The following THSD7B variants were observed in gnomAD, a reference collection of about 807,000 sequenced individuals.
THSD7B encodes the protein thrombospondin type 1 domain containing 7B.
A neutral mutation model predicts 213.6 loss-of-function variants in THSD7B; 138 were observed. The observed-to-expected ratio is 0.65, with a 90% confidence interval of 0.56 to 0.74. THSD7B has a LOEUF of 0.74. Ranked by LOEUF, THSD7B falls within the 30% of genes least tolerant of loss-of-function variation. The pLI is 0.00. For synonymous variants in THSD7B, 742 were observed against 687.0 expected, an observed-to-expected ratio of 1.08 and a Z score of -1.25; for missense variants, 1,931 against 1,991.5, an observed-to-expected ratio of 0.97 and a Z score of 0.58.
intron 5 of THSD7B, among the ~76,000 whole-genome samples, chr2:137,136,146 TG>T (rs1172101517): frequency 6.6e-6 from 1 of 151,914 alleles, no homozygotes; most frequent in African/African-American, 2.4e-5. Flanking sequence ...CAGGGCCTGC[TG>T]GGGGGTGAGG....
intron 2 of THSD7B, among the ~76,000 whole-genome samples, chr2:136,925,977 G>C (rs1681037337): frequency 6.6e-6 from 1 of 152,114 alleles, no homozygotes; most frequent in African/African-American, 2.4e-5. Flanking sequence ...GTACACAACT[G>C]TATAATAATA....
At chr2:137,515,138 T>C (rs1490424443) in intron 15 of THSD7B, among the ~76,000 whole-genome samples, 1 of 152,124 alleles carries the variant, frequency 6.6e-6, no homozygotes, top group Non-Finnish European at 1.5e-5. Context: ...GTGAGGACAT[T>C]GACTGGAAAA....
intron 5 of THSD7B, among the ~76,000 whole-genome samples, chr2:137,159,434 A>AAATT (rs141042669): frequency 2.0e-5 from 3 of 151,608 alleles, no homozygotes; most frequent in African/African-American, 4.8e-5. Flanking sequence ...TCTCAAAAAA[A>AAATT]AATTAATTAA....
chr2:137,073,077 T>C (rs1687532793), intron 3 of THSD7B, among the ~76,000 whole-genome samples: 1 of 151,972 alleles, frequency 6.6e-6, no homozygotes, highest in African/African-American at 2.4e-5. Flanking sequence ...TTTTTTGTTG[T>C]GTCTCTGCCA....
intron 1 of THSD7B, among the ~76,000 whole-genome samples, chr2:136,803,172 C>T (rs1014721031): frequency 2.0e-5 from 3 of 151,964 alleles, no homozygotes; most frequent in African/African-American, 7.3e-5. Context: ...CACACATGCA[C>T]ATATATATAA....
intron 5 of THSD7B, among the ~76,000 whole-genome samples, chr2:137,128,530 C>T (rs947254090): frequency 5.9e-5 from 9 of 152,218 alleles, no homozygotes; most frequent in African/African-American, 1.7e-4. Flanking sequence ...ATATAACAGA[C>T]GATTCTTACC....
At chr2:137,165,151 T>G (rs1299967680) in intron 6 of THSD7B, among the ~76,000 whole-genome samples, 1 of 152,156 alleles carries the variant, frequency 6.6e-6, no homozygotes, top group Non-Finnish European at 1.5e-5. Flanking sequence ...TTGAGATTGA[T>G]GAGAATTAGC....
chr2:137,381,222 TG>T, intron 12 of THSD7B, among the ~76,000 whole-genome samples: 1 of 152,150 alleles, frequency 6.6e-6, no homozygotes, highest in East Asian at 1.9e-4. Context: ...GGTAGAAACC[TG>T]GGTGGCAGTA....
intron 15 of THSD7B, among the ~76,000 whole-genome samples, chr2:137,474,302 A>G (rs1688153174): frequency 6.6e-6 from 1 of 152,112 alleles, no homozygotes; most frequent in Non-Finnish European, 1.5e-5. Flanking sequence ...ACTCATTCCT[A>G]TTCACATTTA....
At chr2:137,565,139 C>T (rs1681208509) in intron 16 of THSD7B, among the ~76,000 whole-genome samples, 1 of 152,100 alleles carries the variant, frequency 6.6e-6, no homozygotes, top group Admixed American at 6.6e-5. Flanking sequence ...ATCCAGATTA[C>T]ACCTTGATCT....
At chr2:137,636,134 C>T (rs371911562) in intron 20 of THSD7B, among the ~76,000 whole-genome samples, 5 of 152,324 alleles carry the variant, frequency 3.3e-5, no homozygotes, top group East Asian at 3.9e-4. Context: ...CCAAGCCCCT[C>T]ATAACATCAA....
chr2:136,879,657 G>A (rs1168207185), intron 1 of THSD7B, among the ~76,000 whole-genome samples: 2 of 152,042 alleles, frequency 1.3e-5, no homozygotes, highest in Non-Finnish European at 2.9e-5. Flanking sequence ...GGATTCCTAG[G>A]TATTTTATTC....
intron 12 of THSD7B, among the ~76,000 whole-genome samples, chr2:137,340,739 T>G (rs1684743906): frequency 6.6e-6 from 1 of 151,850 alleles, no homozygotes; most frequent in Non-Finnish European, 1.5e-5. Context: ...TCCATTCATA[T>G]GATTGCAAAT....
chr2:137,341,265 A>G (rs543033028), intron 12 of THSD7B, among the ~76,000 whole-genome samples: 1 of 151,486 alleles, frequency 6.6e-6, no homozygotes, highest in South Asian at 2.1e-4. Flanking sequence ...ATGTCTATTC[A>G]TATCCCTTGC....
At chr2:137,322,103 C>A (rs1037660910) in intron 12 of THSD7B, among the ~76,000 whole-genome samples, 5 of 152,220 alleles carry the variant, frequency 3.3e-5, no homozygotes, top group Admixed American at 3.3e-4. Flanking sequence ...GTTAATACCA[C>A]TGTGGGAATA....
At position 137,657,048 on chromosome 2, in the gene THSD7B, A is replaced by C. The variant is rs373715492; in HGVS notation, c.4280-17A>C. 1 of 1,613,840 alleles carries C rather than the reference A, an allele frequency of 6.2e-7. No homozygotes were observed. Among genetic ancestry groups the C allele is most frequent in the East Asian group, 2.2e-5 (1 of 44,884 alleles). On this transcript the variant is annotated splice_polypyrimidine_tract_variant and intron_variant, in intron 23 of 27. Coordinates refer to ENST00000409968, the MANE Select transcript of THSD7B (RefSeq NM_001316349.2). ...AGTGAGGTGTAATAGAACTGCTATT[A>C]TCATATTTACTTACAGGAGGCAAAT...
chr2:137,413,410 A>AT (rs2105015574), intron 14 of THSD7B, among the ~76,000 whole-genome samples: 1 of 152,292 alleles, frequency 6.6e-6, no homozygotes, highest in South Asian at 2.1e-4. Context: ...TACTGTCCAG[A>AT]GGGGGATAGA....
intron 15 of THSD7B, among the ~76,000 whole-genome samples, chr2:137,556,183 T>C (rs1680961343): frequency 6.6e-6 from 1 of 152,002 alleles, no homozygotes; most frequent in Non-Finnish European, 1.5e-5. Context: ...ATTCAGGAAA[T>C]ACAGAGAATG....
rs147040931 is a variant in THSD7B, at chr2:137,507,227, G to A, written c.3139-55994G>A. ...CTCCAGTGCCAGAAAGTAACCTTCC[G>A]GCTTCTCTTCAAACCACAGAAAATA... On this transcript the variant is annotated intron_variant, in intron 15 of 27. Coordinates refer to ENST00000409968, the MANE Select transcript of THSD7B (RefSeq NM_001316349.2). Among the ~76,000 whole-genome samples, 448 of 152,204 alleles carry A rather than the reference G, an allele frequency of 2.9e-3. 4 individuals are homozygous for A. The highest frequency in any genetic ancestry group is 0.01 in the African/African-American group (428 of 41,532).
Sources: allele counts gnomAD v4.1 joint callset (sites outside exome capture counted in the v4.1 genomes callset), GRCh38; gene constraint gnomAD v4.1.1; transcripts MANE v1.5; gene names NCBI Gene and HGNC (gene_info 2026-07-23, HGNC 2026-07-21).